CAMK2A: variants seen among roughly 807,000 people sequenced by gnomAD.
The protein encoded by CAMK2A is calcium/calmodulin-dependent protein kinase type II subunit alpha.
A neutral mutation model predicts 79.2 loss-of-function variants in CAMK2A; 7 were observed. The ratio of observed to expected loss-of-function variants is 0.09; its 90% confidence interval spans 0.05 to 0.17. The LOEUF is 0.17. CAMK2A is among the 10% of genes least tolerant of loss of function. The probability of loss-of-function intolerance (pLI) is 1.00; values close to 1 mark genes in which losing one functional copy is unlikely to be tolerated. For synonymous variants in CAMK2A, 242 were observed against 251.7 expected (o/e 0.96, Z 0.36); for missense variants, 214 against 646.4 (o/e 0.33, Z 7.25).
Position 150,257,610 on chromosome 5 carries a change from T to C in CAMK2A, c.225A>G (p.Leu75=), listed in dbSNP as rs759379098. ...GTCCCTCCTCTGAGATGCTGTCATG[T>C]AGTCGGACTGTGGGCGGGGCAAGGC... ...RLLKHPNIVR[L]HDSISEEGHH... Residue 75 remains leucine (L), a synonymous_variant, in exon 4 of 19, where the codon CTA becomes CTG. Coordinates refer to ENST00000671881, the MANE Select transcript of CAMK2A (RefSeq NM_015981.4). 17 of 1,569,318 alleles carry C rather than the reference T, an allele frequency of 1.1e-5. No individual in the cohort carries two copies. The African/African-American group carries it at 2.0e-4, about 19-fold the overall frequency.
intron 12 of CAMK2A, 122 bp downstream of exon 12, chr5:150,247,650 A>T: frequency 2.8e-6 from 2 of 724,016 alleles, no homozygotes; most frequent in South Asian, 1.8e-5. Flanking sequence ...TTAGTCACAG[A>T]GTCCTCTACA....
upstream of CAMK2A, chr5:150,289,782 C>A: frequency 1.8e-6 from 1 of 566,348 alleles, no homozygotes; most frequent in South Asian, 2.4e-5. Context: ...CTGAGCAGGG[C>A]ACTGTGGCTG....
chr5:150,239,605 C>G, intron 14 of CAMK2A, 99 bp downstream of exon 14: 5 of 1,113,846 alleles, frequency 4.5e-6, no homozygotes, highest in Non-Finnish European at 6.9e-6. Flanking sequence ...TGAGCACCCT[C>G]TCCCCGCCCC....
In CAMK2A at chr5:150,257,523, C is replaced by T. The variant is rs1272553247; in HGVS notation, c.272+40G>A. 16 of 1,537,474 alleles carry T rather than the reference C, an allele frequency of 1.0e-5. No homozygotes were observed. The Admixed American group carries it at 2.7e-4, about 26-fold the overall frequency. The stretch of plus-strand genomic sequence containing the variant: ...TGAGGCCATCACTGGTTAGGCAGCC[C>T]CAACACCGTTGGCGCATCCCAGGGC... On this transcript the variant is annotated intron_variant, in intron 4 of 18. Coordinates refer to ENST00000671881, the MANE Select transcript of CAMK2A (RefSeq NM_015981.4).
intron 3 of CAMK2A, among the ~76,000 whole-genome samples, 181 bp from the exon 4 acceptor site, chr5:150,257,798 A>G (rs1027207449): frequency 6.6e-6 from 1 of 152,180 alleles, no homozygotes; most frequent in African/African-American, 2.4e-5. Flanking sequence ...TTGAGTCCGA[A>G]TAGACCTCAG....
chr5:150,267,137 C>T lies in CAMK2A; in HGVS notation c.158-2122G>A, dbSNP rs547470532. ...GGCATCCCTTGATTCCTCCTCCCTC[C>T]GTGGGCTCCTTTCATATCCTCCAGG... On this transcript the variant is annotated intron_variant, in intron 2 of 18. Coordinates refer to ENST00000671881, the MANE Select transcript of CAMK2A (RefSeq NM_015981.4). 8.3e-4 allele frequency among the ~76,000 whole-genome samples: 126 copies of T among 152,326 alleles called. 1 individual carries two copies. In the South Asian group the frequency reaches 0.016, roughly 20 times the overall value.
intron 17 of CAMK2A, among the ~76,000 whole-genome samples, chr5:150,225,365 G>A (rs1439357636): frequency 6.6e-6 from 1 of 152,160 alleles, no homozygotes; most frequent in Non-Finnish European, 1.5e-5. Flanking sequence ...AAAAAATAGG[G>A]CCCTGGAGGG....
rs1489677738 is a variant in CAMK2A, at chr5:150,250,848, C to T, written c.694-38G>A. 1.9e-6 allele frequency: 3 copies of T among 1,604,654 alleles called. No individual in the cohort carries two copies. The Admixed American group carries it at 5.0e-5, about 27-fold the overall frequency. The stretch of plus-strand genomic sequence containing the variant: ...GAGAGGCCAGGTTTGCCCAGCCTGC[C>T]CCAGGCCACCCCTGCGATCCCCCAG... On this transcript the variant is annotated intron_variant, in intron 9 of 18. Transcript: ENST00000671881.
At chr5:150,247,987 C>G (rs1054824118) in intron 11 of CAMK2A, among the ~76,000 whole-genome samples, 173 bp from the exon 12 acceptor site, 1 of 152,170 alleles carries the variant, frequency 6.6e-6, no homozygotes, top group African/African-American at 2.4e-5. Context: ...CAGCCCAGAG[C>G]CCATCCCTCG....
At chr5:150,230,713 C>T (rs1754802754) in intron 16 of CAMK2A, among the ~76,000 whole-genome samples, 2 of 152,246 alleles carry the variant, frequency 1.3e-5, no homozygotes, top group Admixed American at 1.3e-4. Flanking sequence ...CACAGCTGCC[C>T]CTCCAAAGGC....
intron 15 of CAMK2A, among the ~76,000 whole-genome samples, chr5:150,233,462 C>T (rs550279633): frequency 6.6e-6 from 1 of 152,302 alleles, no homozygotes; most frequent in East Asian, 1.9e-4. Context: ...ATCACCTGGG[C>T]TGGGAATGAG....
Position 150,223,320 on chromosome 5 carries a change from C to T in CAMK2A, c.1238-103G>A. The T allele has an allele frequency of 1.1e-6, 1 of 894,310 alleles. No homozygotes were observed. Among genetic ancestry groups the T allele is most frequent in the Admixed American group, 2.1e-5 (1 of 46,910 alleles). 55.4% of individuals were successfully genotyped at this position (894,310 alleles called of 1,614,324 possible). On this transcript the variant is annotated intron_variant, in intron 17 of 18. Coordinates refer to ENST00000671881, the MANE Select transcript of CAMK2A (RefSeq NM_015981.4). The surrounding 1 kb of genome is among the most constrained non-coding windows in gnomAD (Gnocchi z 4.1). The stretch of plus-strand genomic sequence containing the variant: ...CAGCAGCCCTCTCAATGGAGGCGCC[C>T]TGCCTGACTCATTTGCAGGGAAGGG...
At chr5:150,278,763 C>A (rs1271446841) in intron 1 of CAMK2A, among the ~76,000 whole-genome samples, 1 of 152,024 alleles carries the variant, frequency 6.6e-6, no homozygotes, top group Non-Finnish European at 1.5e-5. Flanking sequence ...TTCCTGGGTG[C>A]AAGGGGCGGG....
chr5:150,268,826 C>A (rs1297421779), intron 2 of CAMK2A, among the ~76,000 whole-genome samples: 2 of 152,188 alleles, frequency 1.3e-5, no homozygotes, highest in Non-Finnish European at 2.9e-5. Flanking sequence ...GTGGCAGGAT[C>A]ACGGCTCACT....
intron 1 of CAMK2A, among the ~76,000 whole-genome samples, chr5:150,279,360 G>A (rs1056494042): frequency 6.6e-6 from 1 of 152,212 alleles, no homozygotes; most frequent in African/African-American, 2.4e-5. Flanking sequence ...TTGTGGGTCA[G>A]CTACTTCTTC....
intron 15 of CAMK2A, among the ~76,000 whole-genome samples, chr5:150,234,696 T>A (rs1408452354): frequency 2.0e-5 from 3 of 152,146 alleles, no homozygotes; most frequent in Admixed American, 6.5e-5. Context: ...CCTGAGGACA[T>A]CCTGGAGTCT....
chr5:150,287,145 A>C (rs1441365667), intron 1 of CAMK2A, among the ~76,000 whole-genome samples: 2 of 152,138 alleles, frequency 1.3e-5, no homozygotes, highest in Non-Finnish European at 2.9e-5. Context: ...CTCCTCAATG[A>C]TGTGGTCTGG....
At position 150,284,572 on chromosome 5, in the gene CAMK2A, G is replaced by A. The variant is rs1757346808; in HGVS notation, c.62+4992C>T. 6.6e-6 allele frequency among the ~76,000 whole-genome samples: 1 copy of A among 152,178 alleles called. No individual in the cohort carries two copies. Among genetic ancestry groups the A allele is most frequent in the South Asian group, 2.1e-4 (1 of 4,828 alleles). ...GTGTGGGGGCGGCTGCGCGGGGGCG[G>A]AGGGCTGCAGCGTGCACCAGAACAT... On this transcript the variant is annotated intron_variant, in intron 1 of 18. Transcript: ENST00000671881. This position sits in a 1 kb window ranked among gnomAD's most constrained non-coding sequence, Gnocchi z 5.3.
intron 3 of CAMK2A, among the ~76,000 whole-genome samples, chr5:150,261,105 T>C (rs994194582): frequency 8.9e-6 from 1 of 112,788 alleles, no homozygotes; most frequent in Non-Finnish European, 2.0e-5. Flanking sequence ...CTCAGGGAAA[T>C]GGACAGAATT....
Sources: gnomAD v4.1 joint callset for allele counts (sites outside exome capture counted in the v4.1 genomes callset) on GRCh38, gnomAD v4.1.1 for gene constraint, Gnocchi (gnomAD v3.1) non-coding constraint, MANE v1.5 for transcripts, NCBI Gene and HGNC (gene_info 2026-07-23, HGNC 2026-07-21) for gene names.